Variants in LCORL observed in about 807,000 individuals in gnomAD.
LCORL encodes the protein ligand-dependent nuclear receptor corepressor-like protein.
Under a neutral mutation model 141.8 loss-of-function variants are expected in LCORL, and 41 were observed. The ratio of observed to expected loss-of-function variants is 0.29; its 90% CI spans 0.23 to 0.38. The LOEUF is 0.38. Among genes scored for constraint, LCORL ranks in the 10% least tolerant of loss-of-function variants. The pLI is 1.00. For missense variants in LCORL, 1,759 were observed against 2,035.0 expected (o/e 0.86, Z 2.61); for synonymous variants, 618 against 694.1 (o/e 0.89, Z 1.72).
intron 2 of LCORL, among the ~76,000 whole-genome samples, chr4:17,972,031 T>C (rs936250560): frequency 5.3e-5 from 8 of 151,772 alleles, no homozygotes; most frequent in African/African-American, 1.9e-4. Flanking sequence ...ACAATACCAC[T>C]ACCAAGGACA....
chr4:17,881,157 T>C, intron 6 of LCORL: 1 of 980,084 alleles, frequency 1.0e-6, no homozygotes, highest in Non-Finnish European at 1.2e-6. Flanking sequence ...CTCTTTTCCT[T>C]CTTTTTTTTT....
chr4:17,847,906 G>A (rs1262284518), intron 7 of LCORL, among the ~76,000 whole-genome samples: 1 of 152,150 alleles, frequency 6.6e-6, no homozygotes, highest in East Asian at 1.9e-4. Flanking sequence ...TGGTAGGCAA[G>A]TATAGTAAGT....
intron 5 of LCORL, among the ~76,000 whole-genome samples, chr4:17,894,250 C>T (rs916342175): frequency 6.6e-6 from 1 of 152,182 alleles, no homozygotes; most frequent in African/African-American, 2.4e-5. Context: ...GTTGAACCAT[C>T]TTAAGTTGAT....
intron 4 of LCORL, chr4:17,912,513 A>G: frequency 2.0e-6 from 1 of 491,960 alleles, no homozygotes; most frequent in Non-Finnish European, 4.0e-6. Flanking sequence ...TACTGGTCTC[A>G]GCAGATTGAG....
At chr4:17,859,574 G>T (rs764988317) in intron 7 of LCORL, among the ~76,000 whole-genome samples, 1 of 152,130 alleles carries the variant, frequency 6.6e-6, no homozygotes, top group African/African-American at 2.4e-5. Context: ...ACAAGAATGA[G>T]GAGCACTAGA....
At chr4:17,993,341 T>C (rs1720357525) in intron 1 of LCORL, among the ~76,000 whole-genome samples, 1 of 152,178 alleles carries the variant, frequency 6.6e-6, no homozygotes, top group South Asian at 2.1e-4. Context: ...CAGCTGGGAT[T>C]ACAGGCATGT....
intron 1 of LCORL, among the ~76,000 whole-genome samples, chr4:17,988,763 TC>T (rs1433614632): frequency 6.6e-6 from 1 of 152,110 alleles, no homozygotes; most frequent in Non-Finnish European, 1.5e-5. Context: ...GGCAGGTGGA[TC>T]ACTTGAGGTC....
chr4:17,913,472 C>T (rs1560332441), intron 4 of LCORL, among the ~76,000 whole-genome samples: 1 of 152,178 alleles, frequency 6.6e-6, no homozygotes, highest in East Asian at 1.9e-4. Context: ...AAAGCCAAAG[C>T]AGACCGGTTA....
At chr4:17,921,699 T>C (rs1244404168) in intron 4 of LCORL, among the ~76,000 whole-genome samples, 1 of 152,156 alleles carries the variant, frequency 6.6e-6, no homozygotes, top group Non-Finnish European at 1.5e-5. Flanking sequence ...TGCAAAGTAT[T>C]GTTCCTGGTT....
chr4:17,983,301 G>GA lies in LCORL; in HGVS notation c.155-10417dup, dbSNP rs146184400. 2.7e-3 allele frequency among the ~76,000 whole-genome samples: 404 copies of GA among 152,302 alleles called. 3 individuals are homozygous for GA. Among genetic ancestry groups the GA allele is most frequent in the African/African-American group, 9.2e-3 (382 of 41,564 alleles). ...AAATAGTTGTTTCTAGTTCTGTGAA[G>GA]AATGTTATTGACAGTTTGATAGAAA... On this transcript the variant is annotated intron_variant, in intron 1 of 7. Coordinates refer to ENST00000635767, the Ensembl canonical transcript of LCORL.
Position 18,021,717 on chromosome 4 carries a change from G to A in LCORL, c.35C>T (p.Ala12Val). 2.6e-6 allele frequency: 4 copies of A among 1,526,570 alleles called. No individual in the cohort carries two copies. Among genetic ancestry groups the A allele is most frequent in the East Asian group, 2.5e-5 (1 of 39,914 alleles). 94.6% of individuals were successfully genotyped at this position (1,526,570 alleles called of 1,614,324 possible). A position where few individuals can be genotyped will look rare whatever the true frequency, so the allele number is the denominator to read the frequency against. ...GGCGGCGGCGGCGGCAGCAGCGGCG[G>A]CGGCAGCGGCCATTCTCTCTCTTCC... The change falls in exon 1 of 8, where the codon GCC (alanine) becomes GTC (valine). Residue 12 changes from alanine (A) to valine (V), a missense_variant. Coordinates refer to ENST00000635767, the Ensembl canonical transcript of LCORL. The surrounding 1 kb of genome is among the most constrained non-coding windows in gnomAD (Gnocchi z 5.5).
At chr4:18,005,241 A>G (rs1231307446) in intron 1 of LCORL, among the ~76,000 whole-genome samples, 7 of 152,300 alleles carry the variant, frequency 4.6e-5, no homozygotes, top group African/African-American at 1.7e-4. Context: ...TTGAAGCTCA[A>G]AAATGATCTC....
Position 17,872,977 on chromosome 4 carries a change from A to T in LCORL, c.5602+411T>A, listed in dbSNP as rs192343649. ...AAACATGGTCTCATAGTTGTGGTTG[A>T]TTTCTCAATTGAGTAAATATTTACT... On this transcript the variant is annotated intron_variant, in intron 7 of 7. Transcript: ENST00000635767. Among the ~76,000 whole-genome samples the T allele has an allele frequency of 2.9e-4, 44 of 152,162 alleles. No homozygotes were observed. In the East Asian group the frequency reaches 6.8e-3, roughly 23 times the overall value.
chr4:17,875,345 T>A, exon 7 of LCORL: 2 of 1,231,438 alleles, frequency 1.6e-6, no homozygotes, highest in Non-Finnish European at 2.0e-6. Flanking sequence ...GTCTCACATA[T>A]TCAAAGCCAG....
intron 4 of LCORL, among the ~76,000 whole-genome samples, chr4:17,954,657 G>A (rs777374059): frequency 1.3e-4 from 20 of 152,278 alleles, no homozygotes; most frequent in Non-Finnish European, 2.8e-4. Flanking sequence ...GACCAGATGG[G>A]CCTCAGATTA....
At chr4:17,946,341 G>A (rs1341352246) in intron 4 of LCORL, among the ~76,000 whole-genome samples, 1 of 151,886 alleles carries the variant, frequency 6.6e-6, no homozygotes, top group Non-Finnish European at 1.5e-5. Context: ...CTTTAGCCAT[G>A]CTATTTTAAA....
exon 8 of LCORL, chr4:17,845,685 C>A (rs756541738): frequency 1.3e-6 from 2 of 1,486,736 alleles, no homozygotes; most frequent in African/African-American, 1.4e-5. Flanking sequence ...GGAATACTGA[C>A]ATACAAAATA....
chr4:17,988,524 C>T (rs1719415692), intron 1 of LCORL, among the ~76,000 whole-genome samples: 1 of 152,146 alleles, frequency 6.6e-6, no homozygotes, highest in South Asian at 2.1e-4. Context: ...TTCATCTGCT[C>T]ATCTACTCCT....
intron 2 of LCORL, among the ~76,000 whole-genome samples, chr4:17,967,167 T>C (rs1715047971): frequency 6.6e-6 from 1 of 152,174 alleles, no homozygotes; most frequent in African/African-American, 2.4e-5. Context: ...AGAAGCTACA[T>C]ACTGTATGAT....
Sources: allele counts gnomAD v4.1 joint callset (sites outside exome capture counted in the v4.1 genomes callset), GRCh38; gene constraint gnomAD v4.1.1; non-coding constraint Gnocchi (gnomAD v3.1); transcripts MANE v1.5; gene names NCBI Gene and HGNC (gene_info 2026-07-23, HGNC 2026-07-21).